ARHGEF18: variants seen among roughly 807,000 people sequenced by gnomAD.
The protein encoded by ARHGEF18 is Rho/Rac guanine nucleotide exchange factor 18.
Under a neutral mutation model 155.7 loss-of-function variants are expected in ARHGEF18, and 93 were observed. The ratio of observed to expected loss-of-function variants is 0.60; its 90% confidence interval spans 0.50 to 0.71. ARHGEF18 has a LOEUF of 0.71. Among genes scored for constraint, ARHGEF18 ranks in the 30% least tolerant of loss-of-function variants. ARHGEF18 has a pLI of 0.00. For missense variants in ARHGEF18, 1,593 were observed against 1,816.1 expected, an observed-to-expected ratio of 0.88 and a Z score of 2.23; for synonymous variants, 742 against 753.1, an observed-to-expected ratio of 0.99 and a Z score of 0.24.
intron 17 of ARHGEF18, among the ~76,000 whole-genome samples, chr19:7,455,657 C>T (rs1176022015): frequency 2.0e-5 from 3 of 152,208 alleles, no homozygotes; most frequent in South Asian, 2.1e-4. Context: ...TGTATTAGTC[C>T]GTGTTCATGC....
At chr19:7,454,381 A>T (rs1018297043) in intron 17 of ARHGEF18, among the ~76,000 whole-genome samples, 2 of 150,544 alleles carry the variant, frequency 1.3e-5, no homozygotes, top group African/African-American at 4.9e-5. Flanking sequence ...ACCATCTTGG[A>T]TCAGTGAGCA....
intron 10 of ARHGEF18, among the ~76,000 whole-genome samples, chr19:7,430,532 G>A (rs1177529120): frequency 6.6e-6 from 1 of 152,168 alleles, no homozygotes; most frequent in East Asian, 1.9e-4. Context: ...CACAGGCCAG[G>A]CATGGTGTTG....
chr19:7,395,944 A>ACAC lies in ARHGEF18; in HGVS notation c.967+12742_967+12743insACC, dbSNP rs201621474. Reference sequence around the variant, plus strand: ...GGTTTGGGGTGTGACTGATCTCGTCACCCAGGTACTGAGCATAGTACTCAA... The same window carrying ACAC: ...GGTTTGGGGTGTGACTGATCTCGTCACACCCCAGGTACTGAGCATAGTACTCAA... On this transcript the variant is annotated intron_variant, in intron 10 of 28. Coordinates refer to ENST00000668164, the MANE Select transcript of ARHGEF18 (RefSeq NM_001367823.1). The surrounding 1 kb of genome is among the most constrained non-coding windows in gnomAD (Gnocchi z 5.0). 0.011 allele frequency among the ~76,000 whole-genome samples: 1,739 copies of ACAC among 152,144 alleles called. 136 individuals carry two copies. The East Asian group carries it at 0.18, about 16-fold the overall frequency.
intron 10 of ARHGEF18, among the ~76,000 whole-genome samples, chr19:7,400,914 G>A (rs1411019452): frequency 1.3e-5 from 2 of 152,154 alleles, no homozygotes; most frequent in East Asian, 3.8e-4. Context: ...TGGAAGGAGG[G>A]GAGGACCATG....
chr19:7,403,288 T>C (rs1220579911), intron 10 of ARHGEF18, among the ~76,000 whole-genome samples: 1 of 152,134 alleles, frequency 6.6e-6, no homozygotes, highest in Non-Finnish European at 1.5e-5. Context: ...CAGCTGTCAC[T>C]ACTATAATTT....
At chr19:7,385,411 T>G (rs993808465) in intron 10 of ARHGEF18, among the ~76,000 whole-genome samples, 11 of 151,550 alleles carry the variant, frequency 7.3e-5, no homozygotes, top group African/African-American at 1.9e-4. Flanking sequence ...TGTGGCCCAC[T>G]GACTTAGAGC....
intron 8 of ARHGEF18, among the ~76,000 whole-genome samples, chr19:7,382,031 A>G (rs1970770664): frequency 6.6e-6 from 1 of 152,196 alleles, no homozygotes; most frequent in African/African-American, 2.4e-5. Flanking sequence ...TATTAAATGA[A>G]GGTGTGCCTG....
chr19:7,470,018 C>CGCCCCCACCAGGTGA lies in ARHGEF18; in HGVS notation c.3912_3913+13dup. ...ATCCTGCCCGGCAGACACAGTCCTG[C>CGCCCCCACCAGGTGA]GCCCCCACCAGGTGAGCCCCCACCC... On this transcript the variant is annotated inframe_insertion, in exon 28 of 29. Coordinates refer to ENST00000668164, the MANE Select transcript of ARHGEF18 (RefSeq NM_001367823.1). This position sits in a 1 kb window ranked among gnomAD's most constrained non-coding sequence, Gnocchi z 5.9. 6.2e-7 allele frequency: 1 copy of CGCCCCCACCAGGTGA among 1,612,926 alleles called. No homozygotes were observed. Among genetic ancestry groups the CGCCCCCACCAGGTGA allele is most frequent in the Non-Finnish European group, 8.5e-7 (1 of 1,179,864 alleles).
chr19:7,366,239 G>A (rs1004028496), intron 2 of ARHGEF18, among the ~76,000 whole-genome samples: 5 of 152,240 alleles, frequency 3.3e-5, no homozygotes, highest in East Asian at 1.9e-4. Context: ...GAGCCACGGC[G>A]CCCAGCCAGC....
rs1488144101 is a variant in ARHGEF18, at chr19:7,462,569, C to G, written c.2635+235C>G. Among the ~76,000 whole-genome samples, 2 of 152,004 alleles carry G rather than the reference C, an allele frequency of 1.3e-5. No homozygotes were observed. Among genetic ancestry groups the G allele is most frequent in the African/African-American group, 4.8e-5 (2 of 41,240 alleles). On this transcript the variant is annotated intron_variant, in intron 21 of 28. Transcript: ENST00000668164. The surrounding 1 kb of genome is among the most constrained non-coding windows in gnomAD (Gnocchi z 4.4). ...CCTTGCAGACATAAAGCACTTTCTC[C>G]CCGTTCAACAACCGCTCTGATGCTC... is the stretch of plus-strand genomic sequence containing the variant.
At chr19:7,410,388 A>G (rs576421620) in intron 10 of ARHGEF18, among the ~76,000 whole-genome samples, 1 of 151,618 alleles carries the variant, frequency 6.6e-6, no homozygotes, top group South Asian at 2.1e-4. Flanking sequence ...TGAAATATAT[A>G]TATATATACA....
chr19:7,385,915 C>CCTCTCTCT (rs150705901), intron 10 of ARHGEF18, among the ~76,000 whole-genome samples: 7 of 33,730 alleles, frequency 2.1e-4, no homozygotes, highest in East Asian at 2.0e-3. Context: ...TCCCTCTCTC[C>CCTCTCTCT]CTCTCTCTCT....
chr19:7,418,365 C>A (rs1342182790), intron 10 of ARHGEF18, among the ~76,000 whole-genome samples: 2 of 152,144 alleles, frequency 1.3e-5, no homozygotes, highest in Non-Finnish European at 2.9e-5. Flanking sequence ...CGCAAGCGAT[C>A]CTCCTGCCTC....
In ARHGEF18 at chr19:7,462,155, G is replaced by A. The variant is rs754731608; in HGVS notation, c.2456G>A (p.Arg819Gln). 1.6e-4 allele frequency: 257 copies of A among 1,613,838 alleles called. No individual in the cohort carries two copies. Among genetic ancestry groups the A allele is most frequent in the Non-Finnish European group, 2.1e-4 (242 of 1,180,008 alleles). The change falls in exon 21 of 29, where the codon CGG becomes CAG. Residue 819 changes from arginine to glutamine, a missense_variant. Transcript: ENST00000668164. The surrounding 1 kb of genome is among the most constrained non-coding windows in gnomAD (Gnocchi z 4.4). ...RATRLRDFQE[R>Q]LSMKDQLIAQ... ...CACCTCCACCATCACTCTGCAGAGC[G>A]GTTGAGCATGAAAGACCAGCTGATC...
In ARHGEF18 at chr19:7,385,917, T is replaced by TCTCC. The variant is rs1568286029; in HGVS notation, c.967+2717_967+2718insCCTC. ...CTCCCTCTCTCTCTCCCTCTCTCCC[T>TCTCC]CTCTCTCTCTCTCTCTCTCCCCCTC... On this transcript the variant is annotated intron_variant, in intron 10 of 28. Transcript: ENST00000668164. 1.1e-3 allele frequency among the ~76,000 whole-genome samples: 59 copies of TCTCC among 54,286 alleles called. 6 individuals carry two copies. Among genetic ancestry groups the TCTCC allele is most frequent in the African/African-American group, 9.1e-3 (56 of 6,182 alleles). 35.6% of individuals were successfully genotyped at this position (54,286 alleles called of 152,430 possible).
chr19:7,459,559 A>G (rs1038344192), intron 19 of ARHGEF18, among the ~76,000 whole-genome samples: 1 of 152,052 alleles, frequency 6.6e-6, no homozygotes, highest in Non-Finnish European at 1.5e-5. Flanking sequence ...TGGTGCCTTA[A>G]TCTGGTTCAG....
At chr19:7,407,064 CAAAAAAAAA>C (rs3997572) in intron 10 of ARHGEF18, among the ~76,000 whole-genome samples, 6 of 55,754 alleles carry the variant, frequency 1.1e-4, no homozygotes, top group Non-Finnish European at 2.0e-4. Context: ...GACTCCGTCT[CAAAAAAAAA>C]AAAAAAAAAA....
chr19:7,438,290 G>T (rs117263384), intron 10 of ARHGEF18, among the ~76,000 whole-genome samples: 3 of 150,698 alleles, frequency 2.0e-5, no homozygotes, highest in Non-Finnish European at 4.4e-5. Context: ...GTGTAGAGAC[G>T]GGGTCTTGCT....
At chr19:7,380,303 C>G (rs1970667357) in intron 7 of ARHGEF18, among the ~76,000 whole-genome samples, 1 of 151,640 alleles carries the variant, frequency 6.6e-6, no homozygotes, top group East Asian at 1.9e-4. Flanking sequence ...ATGGTGAAAC[C>G]CCGTCTCTAC....
Sources: gnomAD v4.1 joint callset for allele counts (sites outside exome capture counted in the v4.1 genomes callset) on GRCh38, gnomAD v4.1.1 for gene constraint, Gnocchi (gnomAD v3.1) non-coding constraint, MANE v1.5 for transcripts, NCBI Gene and HGNC (gene_info 2026-07-23, HGNC 2026-07-21) for gene names.